Variants in MAN1A2 observed in about 807,000 individuals in gnomAD.
MAN1A2 encodes mannosidase alpha class 1A member 2.
Under a neutral mutation model 75.7 loss-of-function variants are expected in MAN1A2, and 26 were observed. That is an observed-to-expected ratio of 0.34 (90% CI 0.25 to 0.48). The LOEUF (loss-of-function observed/expected upper bound fraction) is 0.48. MAN1A2 is among the 20% of genes least tolerant of loss of function. The pLI, the probability that MAN1A2 is intolerant of heterozygous loss-of-function variation, is 0.99. For synonymous variants in MAN1A2, 247 were observed against 264.6 expected (o/e 0.93, Z 0.65); for missense variants, 562 against 775.5 (o/e 0.72, Z 3.27).
At chr1:117,428,215 A>G (rs1648443658) in intron 5 of MAN1A2, among the ~76,000 whole-genome samples, 1 of 151,804 alleles carries the variant, frequency 6.6e-6, no homozygotes, top group African/African-American at 2.4e-5. Context: ...CCTGGGCTTA[A>G]GTGATCCTTG....
intron 12 of MAN1A2, 85 bp downstream of exon 12, chr1:117,503,055 A>G: frequency 1.6e-6 from 1 of 637,604 alleles, no homozygotes; most frequent in Non-Finnish European, 2.6e-6. Flanking sequence ...ACTATGTGAC[A>G]GGTTACACTA....
Position 117,522,871 on chromosome 1 carries a change from C to T in MAN1A2, c.1840C>T (p.His614Tyr). 6.2e-7 allele frequency: 1 copy of T among 1,611,550 alleles called. No homozygotes were observed. Residue 614 changes from histidine (H) to tyrosine (Y), a missense_variant, in exon 13 of 13, where the codon CAC (histidine) becomes TAC (tyrosine). His to Tyr is a moderately conservative substitution (Grantham distance 83, BLOSUM62 2). Around this residue, in one of 2 missense-constraint regions of MAN1A2, gnomAD observed 434 missense variants for 645.7 expected, o/e 0.67. Transcript: ENST00000356554. Reference sequence around the variant, plus strand: ...CGGTGATGACCTTTTACCTTTAGACCACTGGGTGTTTAATACAGAGGCTCA... The same window carrying T: ...CGGTGATGACCTTTTACCTTTAGACTACTGGGTGTTTAATACAGAGGCTCA... ...FSGDDLLPLD[H>Y]WVFNTEAHPL...
intron 1 of MAN1A2, among the ~76,000 whole-genome samples, chr1:117,393,070 C>T (rs1188412705): frequency 6.6e-6 from 1 of 152,108 alleles, no homozygotes; most frequent in Non-Finnish European, 1.5e-5. Context: ...CTTGTTTGGC[C>T]TTTAACTACA....
intron 6 of MAN1A2, among the ~76,000 whole-genome samples, chr1:117,444,608 T>C (rs1232512243): frequency 6.6e-6 from 1 of 152,106 alleles, no homozygotes; most frequent in Non-Finnish European, 1.5e-5. Flanking sequence ...ATCTTCATTG[T>C]ATTTTCTGAC....
intron 1 of MAN1A2, among the ~76,000 whole-genome samples, chr1:117,384,020 T>A (rs1406652873): frequency 6.6e-6 from 1 of 152,222 alleles, no homozygotes; most frequent in African/African-American, 2.4e-5. Context: ...TCTCTGTTTT[T>A]CTTCTTTGTC....
intron 1 of MAN1A2, among the ~76,000 whole-genome samples, chr1:117,383,659 C>A (rs528489011): frequency 6.6e-6 from 1 of 151,984 alleles, no homozygotes; most frequent in Non-Finnish European, 1.5e-5. Flanking sequence ...CTTCTTGAGT[C>A]AGTTTTTATA....
rs114252396 is a variant in MAN1A2, at chr1:117,378,133, A to T, written c.302+9648A>T. On this transcript the variant is annotated intron_variant, in intron 1 of 12. Transcript: ENST00000356554. ...CAAAATAAATAAATAAATAAATAAA[A>T]AAGTTATAAGTGTACATGAAAAGTC... 2.6e-3 allele frequency among the ~76,000 whole-genome samples: 397 copies of T among 152,100 alleles called. 2 individuals are homozygous for T. Among genetic ancestry groups the T allele is most frequent in the African/African-American group, 8.8e-3 (366 of 41,508 alleles).
chr1:117,456,557 T>C (rs1166919386), intron 6 of MAN1A2, among the ~76,000 whole-genome samples: 1 of 152,056 alleles, frequency 6.6e-6, no homozygotes, highest in Non-Finnish European at 1.5e-5. Context: ...AATTTGAAAT[T>C]ATTGGCACTT....
chr1:117,526,880 C>CTCTCTATATATATATA lies in MAN1A2; in HGVS notation c.*3924_*3925insCTCTATATATATATAT. The CTCTCTATATATATATA allele has an allele frequency of 1.6e-3, 85 of 54,488 alleles. No homozygotes were observed. The highest frequency in any genetic ancestry group is 2.9e-3 in the Admixed American group (12 of 4,176). The allele number at this position is 54,488 out of a possible 1,614,324, so 3.4% of individuals were successfully genotyped here. A position where few individuals can be genotyped will look rare whatever the true frequency, so the allele number is the denominator to read the frequency against. ...TCTCTCTCTCTCTCTCTCTCTCTCTCTATATATATATATATATATATATAT... is the reference window on the plus strand; with the variant it reads ...TCTCTCTCTCTCTCTCTCTCTCTCTCTCTCTATATATATATATATATATATATATATATATATATAT... On this transcript the variant is annotated 3_prime_UTR_variant, in exon 13 of 13. Coordinates refer to ENST00000356554, the MANE Select transcript of MAN1A2 (RefSeq NM_006699.5).
rs1022390529 is a variant in MAN1A2, at chr1:117,367,779, A to C, written c.-405A>C. The C allele has an allele frequency of 5.8e-6, 1 of 171,142 alleles. No individual in the cohort carries two copies. The highest frequency in any genetic ancestry group is 1.2e-5 in the Non-Finnish European group (1 of 80,744). The allele number at this position is 171,142 out of a possible 1,614,324, so 10.6% of individuals were successfully genotyped here. A position where few individuals can be genotyped will look rare whatever the true frequency, so the allele number is the denominator to read the frequency against. On this transcript the variant is annotated 5_prime_UTR_variant, in exon 1 of 13. Coordinates refer to ENST00000356554, the MANE Select transcript of MAN1A2 (RefSeq NM_006699.5). ...AAGGAGATCAAGTGAACCTTCTACA[A>C]CTCCTCGGATGTCGCCAGTCTCCCT...
chr1:117,500,201 C>T (rs1457864085), intron 11 of MAN1A2, among the ~76,000 whole-genome samples: 1 of 151,764 alleles, frequency 6.6e-6, no homozygotes, highest in Non-Finnish European at 1.5e-5. Flanking sequence ...GCCTTACACA[C>T]CAAATCAAAG....
chr1:117,458,523 A>ATATTTT (rs1553236643), intron 6 of MAN1A2, among the ~76,000 whole-genome samples: 2 of 105,610 alleles, frequency 1.9e-5, no homozygotes, highest in Admixed American at 9.7e-5. Context: ...ATATATATAT[A>ATATTTT]TTTTTTTTTT....
chr1:117,417,651 T>C lies in MAN1A2; in HGVS notation c.774+2820T>C, dbSNP rs916005565. 2.7e-5 allele frequency among the ~76,000 whole-genome samples: 4 copies of C among 148,326 alleles called. No homozygotes were observed. The Admixed American group carries it at 2.7e-4, about 10-fold the overall frequency. ...GTGTCAGGAGCAAAACAATAAACAA[T>C]GTATGTTTAAACTTTAAGGGTAACT... On this transcript the variant is annotated intron_variant, in intron 4 of 12. Transcript: ENST00000356554.
At position 117,525,265 on chromosome 1, in the gene MAN1A2, A is replaced by G. The variant is rs1651979589; in HGVS notation, c.*2308A>G. The G allele has an allele frequency of 5.4e-6, 2 of 370,910 alleles. No individual in the cohort carries two copies. Among genetic ancestry groups the G allele is most frequent in the Non-Finnish European group, 1.1e-5 (2 of 177,936 alleles). 23.0% of individuals were successfully genotyped at this position (370,910 alleles called of 1,614,324 possible). A position where few individuals can be genotyped will look rare whatever the true frequency, so the allele number is the denominator to read the frequency against. ...TCTTCTTCACCACTCCTTACCTTCTATGTGATGGAAAGACTAGAGCTTATA... is the reference window on the plus strand; with the variant it reads ...TCTTCTTCACCACTCCTTACCTTCTGTGTGATGGAAAGACTAGAGCTTATA... On this transcript the variant is annotated 3_prime_UTR_variant, in exon 13 of 13. Coordinates refer to ENST00000356554, the MANE Select transcript of MAN1A2 (RefSeq NM_006699.5).
intron 1 of MAN1A2, among the ~76,000 whole-genome samples, chr1:117,392,359 G>T (rs907428390): frequency 2.6e-5 from 4 of 151,922 alleles, no homozygotes; most frequent in Admixed American, 1.3e-4. Context: ...ATTTTTATTT[G>T]AAGATCATGT....
At chr1:117,415,673 T>C (rs1451212279) in intron 4 of MAN1A2, among the ~76,000 whole-genome samples, 1 of 148,240 alleles carries the variant, frequency 6.7e-6, no homozygotes, top group African/African-American at 2.5e-5. Context: ...TATTTTTTTT[T>C]CATGTAAATC....
chr1:117,468,204 AAGG>A (rs1351682399), intron 8 of MAN1A2, among the ~76,000 whole-genome samples: 4 of 152,138 alleles, frequency 2.6e-5, no homozygotes, highest in Non-Finnish European at 5.9e-5. Flanking sequence ...TGGTGGCAGG[AAGG>A]AGAAGTGCCA....
intron 5 of MAN1A2, among the ~76,000 whole-genome samples, chr1:117,433,389 A>T (rs930424296): frequency 7.2e-5 from 11 of 152,144 alleles, no homozygotes; most frequent in Non-Finnish European, 1.6e-4. Flanking sequence ...GGTAATTATT[A>T]TTTTTCATTC....
rs1368020697 is a variant in MAN1A2, at chr1:117,481,093, C to T, written c.1169-12054C>T. Among the ~76,000 whole-genome samples the T allele has an allele frequency of 2.0e-5, 3 of 151,932 alleles. No individual in the cohort carries two copies. In the East Asian group the frequency reaches 5.8e-4, roughly 29 times the overall value. Reference sequence around the variant, plus strand: ...CTCAGAGAATCCAGCATCCACTGTTCTGCCCAGTATTTATCCATTGACCTG... The same window carrying T: ...CTCAGAGAATCCAGCATCCACTGTTTTGCCCAGTATTTATCCATTGACCTG... On this transcript the variant is annotated intron_variant, in intron 8 of 12. Transcript: ENST00000356554.
Sources: allele counts gnomAD v4.1 joint callset (sites outside exome capture counted in the v4.1 genomes callset), GRCh38; gene constraint gnomAD v4.1.1; regional missense constraint gnomAD v4.1.1; transcripts MANE v1.5; gene names NCBI Gene and HGNC (gene_info 2026-07-23, HGNC 2026-07-21).